PI4KA: variants seen among roughly 807,000 people sequenced by gnomAD.
The protein encoded by PI4KA is PI4-kinase alpha.
Under a neutral mutation model 271.4 loss-of-function variants are expected in PI4KA, and 122 were observed. The ratio of observed to expected loss-of-function variants is 0.45; its 90% CI spans 0.39 to 0.52. The LOEUF is 0.52. Among genes scored for constraint, PI4KA ranks in the 20% least tolerant of loss-of-function variants. The probability of loss-of-function intolerance (pLI) is 0.00; values close to 1 mark genes in which losing one functional copy is unlikely to be tolerated. For synonymous variants in PI4KA, 1,041 were observed against 1,078.8 expected (o/e 0.96, Z 0.69); for missense variants, 1,969 against 2,769.1 (o/e 0.71, Z 6.48).
At chr22:20,729,734 G>T in intron 37 of PI4KA, 23 bp from the exon 38 acceptor site, 1 of 1,584,848 alleles carries the variant, frequency 6.3e-7, no homozygotes, top group Non-Finnish European at 8.6e-7. Flanking sequence ...ACAAAGCACA[G>T]GTGTAGTCCT....
intron 32 of PI4KA, among the ~76,000 whole-genome samples, chr22:20,735,770 GC>G (rs1219941800): frequency 6.6e-6 from 1 of 152,238 alleles, no homozygotes; most frequent in African/African-American, 2.4e-5. Flanking sequence ...CCTCTAAGCT[GC>G]CCATGGGGTG....
rs1929575596 is a variant in PI4KA at position 20,742,496 on chromosome 22, C to T, written c.3613+112G>A. ...TCCACTCATGAGAGATACTCCTCTA[C>T]TGGGGGAGCTCCTGCTCTTTCTCCG... On this transcript the variant is annotated intron_variant, in intron 31 of 54. Coordinates refer to ENST00000255882, the MANE Select transcript of PI4KA (RefSeq NM_058004.4). 4 of 1,539,598 alleles carry T rather than the reference C, an allele frequency of 2.6e-6. No homozygotes were observed. In the Admixed American group the frequency reaches 7.0e-5, roughly 27 times the overall value.
At chr22:20,739,037 C>CAA (rs1214493282) in intron 32 of PI4KA, among the ~76,000 whole-genome samples, 5 of 45,630 alleles carry the variant, frequency 1.1e-4, no homozygotes, top group African/African-American at 1.7e-4. Flanking sequence ...GACTCAGTCA[C>CAA]AAAAAAAAAA....
chr22:20,732,902 CG>C, intron 36 of PI4KA, 68 bp downstream of exon 36: 1 of 1,595,634 alleles, frequency 6.3e-7, no homozygotes, highest in Non-Finnish European at 8.6e-7. Flanking sequence ...CTGGCACCCT[CG>C]GGGCAGCCCA....
At chr22:20,718,261 C>T (rs529075542) in intron 44 of PI4KA, among the ~76,000 whole-genome samples, 82 of 152,352 alleles carry the variant, frequency 5.4e-4, no homozygotes, top group Admixed American at 6.5e-4. Flanking sequence ...AAGCCATCAA[C>T]ATCCAAGGAT....
chr22:20,793,121 G>GC (rs1376006500), intron 19 of PI4KA, 72 bp downstream of exon 19: 2 of 908,574 alleles, frequency 2.2e-6, no homozygotes, highest in Non-Finnish European at 3.7e-6. Context: ...AATTTACTGT[G>GC]CGTCACCAGG....
In PI4KA at chr22:20,709,897, A is replaced by G. The variant is rs1363523542; in HGVS notation, c.6173+11T>C. On this transcript the variant is annotated intron_variant, in intron 53 of 54. Coordinates refer to ENST00000255882, the MANE Select transcript of PI4KA (RefSeq NM_058004.4). Reference sequence around the variant, plus strand: ...CCCCCAGATGGCCTGCGTGTCCACCAAGGAACCTACTTCAAGAGCTTGATT... The same window carrying G: ...CCCCCAGATGGCCTGCGTGTCCACCGAGGAACCTACTTCAAGAGCTTGATT... 6.6e-7 allele frequency: 1 copy of G among 1,519,490 alleles called. No individual in the cohort carries two copies. The highest frequency in any genetic ancestry group is 1.1e-5 in the South Asian group (1 of 89,300). 94.1% of individuals were successfully genotyped at this position (1,519,490 alleles called of 1,614,324 possible).
chr22:20,783,946 A>G, intron 19 of PI4KA: 1 of 1,614,134 alleles, frequency 6.2e-7, no homozygotes, highest in Non-Finnish European at 8.5e-7. Context: ...CCTTCTCATA[A>G]CAGCCTCTTC....
At chr22:20,785,351 G>A (rs1934135380) in intron 19 of PI4KA, among the ~76,000 whole-genome samples, 1 of 152,328 alleles carries the variant, frequency 6.6e-6, no homozygotes, top group South Asian at 2.1e-4. Flanking sequence ...ATTAACAGGC[G>A]TGAGCCGCTG....
chr22:20,712,417 C>T, intron 50 of PI4KA, 69 bp downstream of exon 50: 2 of 1,585,714 alleles, frequency 1.3e-6, no homozygotes, highest in East Asian at 2.3e-5. Context: ...TGGGTGGAGG[C>T]TGGGTATGGG....
In PI4KA at chr22:20,803,364, C is replaced by T. The variant is rs774479738; in HGVS notation, c.1462-44G>A. 2.0e-5 allele frequency: 32 copies of T among 1,612,236 alleles called. No homozygotes were observed. The Admixed American group carries it at 5.2e-4, about 26-fold the overall frequency. Reference sequence around the variant, plus strand: ...CTGTCACATGGCCTGTGGTATGGGACCATCTGAGTAGGCCCTGAGCAGGGA... The same window carrying T: ...CTGTCACATGGCCTGTGGTATGGGATCATCTGAGTAGGCCCTGAGCAGGGA... On this transcript the variant is annotated intron_variant, in intron 12 of 54. Coordinates refer to ENST00000255882, the MANE Select transcript of PI4KA (RefSeq NM_058004.4).
chr22:20,845,844 A>C (rs1263991922), intron 1 of PI4KA, among the ~76,000 whole-genome samples: 2 of 150,646 alleles, frequency 1.3e-5, no homozygotes, highest in African/African-American at 4.9e-5. Context: ...CAGCCTGGGC[A>C]ACAGAGCAGA....
chr22:20,723,579 C>T (rs1927003478), intron 42 of PI4KA, among the ~76,000 whole-genome samples: 1 of 151,412 alleles, frequency 6.6e-6, no homozygotes, highest in Admixed American at 6.6e-5. Flanking sequence ...GCCCGTAATC[C>T]CAGCACTTTG....
intron 19 of PI4KA, among the ~76,000 whole-genome samples, chr22:20,777,239 G>A (rs948736316): frequency 5.4e-5 from 8 of 148,356 alleles, no homozygotes; most frequent in South Asian, 4.3e-4. Context: ...TTTTTGAGAC[G>A]GAGTTTCGCT....
chr22:20,707,823 T>C lies in PI4KA; in HGVS notation c.*224A>G. 3 of 628,588 alleles carry C rather than the reference T, an allele frequency of 4.8e-6. No homozygotes were observed. The highest frequency in any genetic ancestry group is 8.7e-6 in the Non-Finnish European group (3 of 343,958). The allele number at this position is 628,588 out of a possible 1,614,324, so 38.9% of individuals were successfully genotyped here. On this transcript the variant is annotated 3_prime_UTR_variant, in exon 55 of 55. Transcript: ENST00000255882. ...AATATGTCCAGTGCAAACAGAGGAC[T>C]CACACCTGTGCATAGACAGCACCAT...
intron 1 of PI4KA, 106 bp from the exon 2 acceptor site, chr22:20,838,837 G>A: frequency 1.5e-6 from 1 of 660,694 alleles, no homozygotes; most frequent in Non-Finnish European, 2.7e-6. Flanking sequence ...CAGCTATTCA[G>A]GAGGCTGAGG....
chr22:20,754,256 T>TAATC (rs2147342093), intron 23 of PI4KA, among the ~76,000 whole-genome samples: 1 of 152,224 alleles, frequency 6.6e-6, no homozygotes, highest in South Asian at 2.1e-4. Flanking sequence ...CTCAGCTAAT[T>TAATC]GATTATTTTT....
chr22:20,719,681 A>T (rs1926462109), intron 43 of PI4KA, among the ~76,000 whole-genome samples: 1 of 151,982 alleles, frequency 6.6e-6, no homozygotes, highest in African/African-American at 2.4e-5. Flanking sequence ...GAACTGAAAC[A>T]TTTTTTTGGA....
At chr22:20,814,692 G>A (rs1921533166) in intron 7 of PI4KA, among the ~76,000 whole-genome samples, 1 of 151,646 alleles carries the variant, frequency 6.6e-6, no homozygotes, top group African/African-American at 2.4e-5. Context: ...AGGCTACAGT[G>A]GAGCTATGAA....
Sources: gnomAD v4.1 joint callset for allele counts (sites outside exome capture counted in the v4.1 genomes callset) on GRCh38, gnomAD v4.1.1 for gene constraint, MANE v1.5 for transcripts, NCBI Gene and HGNC (gene_info 2026-07-23, HGNC 2026-07-21) for gene names.